MAP1B: variants seen among roughly 807,000 people sequenced by gnomAD.
MAP1B encodes microtubule-associated protein 1B.
Under a neutral mutation model 176.1 loss-of-function variants are expected in MAP1B, and 12 were observed. The observed-to-expected ratio is 0.07, with a 90% CI of 0.04 to 0.11. The LOEUF (loss-of-function observed/expected upper bound fraction) is 0.11, where lower values mean the gene tolerates loss of function less well. Ranked by LOEUF, MAP1B falls within the 10% of genes least tolerant of loss-of-function variation. MAP1B has a pLI of 1.00. For missense variants in MAP1B, 2,523 were observed against 2,990.5 expected (o/e 0.84, Z 3.65); for synonymous variants, 1,044 against 1,135.0 (o/e 0.92, Z 1.61).
At chr5:72,127,420 T>A (rs1044730009) in intron 2 of MAP1B, among the ~76,000 whole-genome samples, 7 of 152,210 alleles carry the variant, frequency 4.6e-5, no homozygotes, top group Non-Finnish European at 1.0e-4. Context: ...GGCTGTTGAT[T>A]TTTAATACCT....
chr5:72,207,280 G>C lies in MAP1B; in HGVS notation c.*2041G>C, dbSNP rs1230970280. ...TTTCCTGCAGACTCTAAGATCTACGGAGTAGAGAACAATGACCTCATTTTA... is the reference window on the plus strand; with the variant it reads ...TTTCCTGCAGACTCTAAGATCTACGCAGTAGAGAACAATGACCTCATTTTA... On this transcript the variant is annotated 3_prime_UTR_variant, in exon 7 of 7. Transcript: ENST00000296755. 6.6e-6 allele frequency: 1 copy of C among 152,104 alleles called. No homozygotes were observed. Among genetic ancestry groups the C allele is most frequent in the Non-Finnish European group, 1.5e-5 (1 of 68,012 alleles). The allele number at this position is 152,104 out of a possible 1,614,324, so 9.4% of individuals were successfully genotyped here.
At chr5:72,155,870 G>A (rs1282803634) in intron 2 of MAP1B, among the ~76,000 whole-genome samples, 2 of 150,680 alleles carry the variant, frequency 1.3e-5, no homozygotes, top group Middle Eastern at 3.2e-3. Flanking sequence ...AGGTTCAAGC[G>A]ATTCTCCTGC....
In MAP1B at chr5:72,193,720, C is replaced by G. The variant is rs1025255082; in HGVS notation, c.511-146C>G. 6.7e-6 allele frequency: 6 copies of G among 894,046 alleles called. No homozygotes were observed. In the African/African-American group the frequency reaches 1.0e-4, roughly 15 times the overall value. The allele number at this position is 894,046 out of a possible 1,614,324, so 55.4% of individuals were successfully genotyped here. ...GGGAAGTATTTCAGCATTTAAGCAACCAACATCACTATGAGAGTGCATGTC... is the reference window on the plus strand; with the variant it reads ...GGGAAGTATTTCAGCATTTAAGCAAGCAACATCACTATGAGAGTGCATGTC... On this transcript the variant is annotated intron_variant, in intron 4 of 6. Transcript: ENST00000296755.
chr5:72,154,612 C>T (rs1746197227), intron 2 of MAP1B, among the ~76,000 whole-genome samples: 1 of 152,218 alleles, frequency 6.6e-6, no homozygotes, highest in African/African-American at 2.4e-5. Context: ...TAAACAAACA[C>T]AGGTCCCCTA....
Position 72,186,648 on chromosome 5 carries a change from A to G in MAP1B, c.404A>G (p.Lys135Arg). ...ATGATCACTGATGCTGCCCGACACA[A>G]GCTGCTCGTGCTGACCGGGCAGTGC... ...RLMITDAARH[K>R]LLVLTGQCFE... The change falls in exon 4 of 7, where the codon AAG (lysine) becomes AGG (arginine). Residue 135 changes from lysine to arginine, a missense_variant. Coordinates refer to ENST00000296755, the MANE Select transcript of MAP1B (RefSeq NM_005909.5). This position sits in a 1 kb window ranked among gnomAD's most constrained non-coding sequence, Gnocchi z 4.3. 1 of 1,614,232 alleles carries G rather than the reference A, an allele frequency of 6.2e-7. No homozygotes were observed. Among genetic ancestry groups the G allele is most frequent in the Non-Finnish European group, 8.5e-7 (1 of 1,180,052 alleles).
chr5:72,115,635 T>C, intron 1 of MAP1B, 63 bp from the exon 2 acceptor site: 1 of 907,016 alleles, frequency 1.1e-6, no homozygotes, highest in Non-Finnish European at 1.9e-6. Context: ...ACAGTGATGT[T>C]GTCCAAACCA....
intron 2 of MAP1B, 190 bp downstream of exon 2, chr5:72,115,989 C>T: frequency 2.0e-6 from 1 of 509,268 alleles, no homozygotes; most frequent in Non-Finnish European, 3.6e-6. Context: ...TGTGGGTTAT[C>T]TATTTTGTGG....
chr5:72,182,293 G>A (rs752052764), intron 2 of MAP1B, among the ~76,000 whole-genome samples: 9 of 152,088 alleles, frequency 5.9e-5, no homozygotes, highest in Non-Finnish European at 1.2e-4. Flanking sequence ...CTATAAAGTT[G>A]CCTATTCTAG....
At chr5:72,176,219 TCACA>T (rs1385638117) in intron 2 of MAP1B, among the ~76,000 whole-genome samples, 3 of 152,192 alleles carry the variant, frequency 2.0e-5, no homozygotes, top group Non-Finnish European at 2.9e-5. Context: ...ACGCACACAC[TCACA>T]CACACTTAGG....
rs527576478 is a variant in MAP1B at position 72,196,065 on chromosome 5, G to A, written c.2710G>A (p.Glu904Lys). 2.5e-5 allele frequency: 40 copies of A among 1,614,188 alleles called. No individual in the cohort carries two copies. The highest frequency in any genetic ancestry group is 4.5e-5 in the East Asian group (2 of 44,880). The change falls in exon 5 of 7, where the codon GAA becomes AAA. Residue 904 changes from glutamate (E) to lysine (K), a missense_variant. By Grantham distance (56) the Glu-to-Lys change is moderately conservative. Around this residue, in one of 4 missense-constraint regions of MAP1B, gnomAD observed 1,925 missense variants for 2,126.0 expected, o/e 0.91. Coordinates refer to ENST00000296755, the MANE Select transcript of MAP1B (RefSeq NM_005909.5). This position sits in a 1 kb window ranked among gnomAD's most constrained non-coding sequence, Gnocchi z 5.3. ...AATCACTACCACTGAAGGGGAGGGCGAATGTGAACAGACACCTGAGGAGCT... is the reference window on the plus strand; with the variant it reads ...AATCACTACCACTGAAGGGGAGGGCAAATGTGAACAGACACCTGAGGAGCT... Reference protein sequence around the residue: ...EGITTTEGEGECEQTPEELEP... With the variant: ...EGITTTEGEGKCEQTPEELEP...
Position 72,205,084 on chromosome 5 carries a change from G to A in MAP1B, c.7252G>A (p.Val2418Met). ...GKAQWGSNMQ[V>M]TLIPTHDSEV... Reference sequence around the variant, plus strand: ...CTATTTTTTTTTTCTCTCCCTGCAGGTGACACTGATCCCAACTCATGACTC... The same window carrying A: ...CTATTTTTTTTTTCTCTCCCTGCAGATGACACTGATCCCAACTCATGACTC... Residue 2418 changes from valine (V) to methionine (M), a missense_variant and splice_region_variant, in exon 7 of 7, where the codon GTG (valine) becomes ATG (methionine). Coordinates refer to ENST00000296755, the MANE Select transcript of MAP1B (RefSeq NM_005909.5). 6.2e-7 allele frequency: 1 copy of A among 1,605,714 alleles called. No homozygotes were observed. The highest frequency in any genetic ancestry group is 8.5e-7 in the Non-Finnish European group (1 of 1,177,660).
intron 2 of MAP1B, among the ~76,000 whole-genome samples, chr5:72,171,607 T>G (rs1040451271): frequency 2.0e-5 from 3 of 152,090 alleles, no homozygotes; most frequent in African/African-American, 4.8e-5. Context: ...ATTTTTTTTT[T>G]AAAGTGGAAG....
chr5:72,157,359 C>G (rs1464835168), intron 2 of MAP1B, among the ~76,000 whole-genome samples: 6 of 152,156 alleles, frequency 3.9e-5, no homozygotes, highest in Admixed American at 3.9e-4. Context: ...AATCAAAGGC[C>G]TTTGTCATTG....
chr5:72,108,678 C>A (rs968761325), intron 1 of MAP1B, among the ~76,000 whole-genome samples: 3 of 152,250 alleles, frequency 2.0e-5, no homozygotes, highest in Admixed American at 2.0e-4. Context: ...CCGCCCGCCA[C>A]ACCTGCCCCC....
intron 4 of MAP1B, among the ~76,000 whole-genome samples, chr5:72,189,143 A>C (rs1391692089): frequency 1.3e-5 from 2 of 152,232 alleles, no homozygotes; most frequent in African/African-American, 4.8e-5. Context: ...AAAAAATATA[A>C]GAACAGCTAA....
At chr5:72,183,640 C>T (rs1349511342) in intron 2 of MAP1B, 103 bp from the exon 3 acceptor site, 11 of 777,588 alleles carry the variant, frequency 1.4e-5, no homozygotes, top group Middle Eastern at 4.7e-4. Flanking sequence ...CTGTGTACCA[C>T]GTCGGAGGCA....
intron 3 of MAP1B, among the ~76,000 whole-genome samples, chr5:72,185,900 T>C (rs1746887014): frequency 6.6e-6 from 1 of 152,222 alleles, no homozygotes; most frequent in South Asian, 2.1e-4. Context: ...AATGGATACC[T>C]TGGTGCTTAG....
intron 2 of MAP1B, among the ~76,000 whole-genome samples, chr5:72,139,448 A>G (rs1745901196): frequency 6.6e-6 from 1 of 152,154 alleles, no homozygotes; most frequent in African/African-American, 2.4e-5. Flanking sequence ...ATCGTTATTC[A>G]TTTTTGGAGT....
intron 5 of MAP1B, 145 bp downstream of exon 5, chr5:72,200,512 C>A: frequency 9.4e-7 from 1 of 1,058,596 alleles, no homozygotes; most frequent in Non-Finnish European, 1.4e-6. Flanking sequence ...TTCTCCTCTG[C>A]CCAAAGGTAT....
Sources: allele counts gnomAD v4.1 joint callset (sites outside exome capture counted in the v4.1 genomes callset), GRCh38; gene constraint gnomAD v4.1.1; regional missense constraint gnomAD v4.1.1; non-coding constraint Gnocchi (gnomAD v3.1); transcripts MANE v1.5; gene names NCBI Gene and HGNC (gene_info 2026-07-23, HGNC 2026-07-21).